The following MTCL1 variants were observed in gnomAD, a reference collection of about 807,000 sequenced individuals.
The protein encoded by MTCL1 is microtubule cross-linking factor 1.
In MTCL1, 79 loss-of-function variants were observed where a neutral mutation model predicts 141.4. The observed-to-expected ratio is 0.56, with a 90% CI of 0.47 to 0.67. MTCL1 has a LOEUF of 0.67. MTCL1 is among the 30% of genes least tolerant of loss of function. MTCL1 has a pLI of 0.00. For synonymous variants in MTCL1, 914 were observed against 875.8 expected (o/e 1.04, Z -0.77); for missense variants, 2,177 against 2,113.9 (o/e 1.03, Z -0.59).
intron 4 of MTCL1, among the ~76,000 whole-genome samples, chr18:8,726,470 G>C (rs73396408): frequency 0.057 from 7,028 of 123,748 alleles, 522 homozygotes; most frequent in African/African-American, 0.17. Flanking sequence ...GTGAGAATAA[G>C]AGGAGAGAGA....
At chr18:8,813,404 C>A (rs2076551257) in intron 12 of MTCL1, among the ~76,000 whole-genome samples, 171 bp downstream of exon 11, 1 of 150,986 alleles carries the variant, frequency 6.6e-6, no homozygotes, top group South Asian at 2.1e-4. Context: ...GACCAAGGCT[C>A]ATGCCTCTCC....
exon 15 of MTCL1, chr18:8,825,670 C>G (rs1204270438): frequency 1.9e-6 from 3 of 1,613,750 alleles, no homozygotes; most frequent in African/African-American, 1.3e-5. Context: ...ACATGCTGCT[C>G]CCCCAAGTAT....
At chr18:8,768,610 G>A (rs1339821149) in intron 4 of MTCL1, among the ~76,000 whole-genome samples, 1 of 151,950 alleles carries the variant, frequency 6.6e-6, no homozygotes. Flanking sequence ...CTGAAAAGAG[G>A]GCAACATTTT....
intron 3 of MTCL1, 144 bp from the exon 3 acceptor site, chr18:8,720,194 C>T: frequency 1.4e-6 from 1 of 727,940 alleles, no homozygotes; most frequent in Middle Eastern, 2.5e-4. Context: ...CTCCTTTTAA[C>T]AATAAGTCAG....
chr18:8,709,685 T>G (rs2096076384), intron 1 of MTCL1, among the ~76,000 whole-genome samples: 1 of 152,328 alleles, frequency 6.6e-6, no homozygotes, highest in African/African-American at 2.4e-5. Context: ...TCATCATTGT[T>G]GTACAAGACT....
At chr18:8,803,416 G>T (rs530839345) in intron 10 of MTCL1, among the ~76,000 whole-genome samples, 1 of 152,148 alleles carries the variant, frequency 6.6e-6, no homozygotes, top group Non-Finnish European at 1.5e-5. Context: ...AAATAATTTA[G>T]TACATCCCCT....
chr18:8,831,511 T>C lies in MTCL1; in HGVS notation c.*19-96T>C. ...CGAGTTGCCTGTGGTGTATACTTCA[T>C]CTCACTTGAGTCTGTTGAGAAGTGT... On this transcript the variant is annotated intron_variant, in intron 16 of 16. Transcript: ENST00000359865. 4 of 1,495,408 alleles carry C rather than the reference T, an allele frequency of 2.7e-6. No homozygotes were observed. The South Asian group carries it at 5.3e-5, about 20-fold the overall frequency. The allele number at this position is 1,495,408 out of a possible 1,614,324, so 92.6% of individuals were successfully genotyped here.
At chr18:8,759,235 A>G (rs1432213160) in intron 4 of MTCL1, among the ~76,000 whole-genome samples, 1 of 152,262 alleles carries the variant, frequency 6.6e-6, no homozygotes, top group South Asian at 2.1e-4. Flanking sequence ...GATCATCTGT[A>G]TGACTTAGGT....
At chr18:8,809,705 G>A in intron 11 of MTCL1, 1 of 1,306,568 alleles carries the variant, frequency 7.7e-7, no homozygotes, top group Non-Finnish European at 1.0e-6. Context: ...ACCTCGCACG[G>A]CTGTCAGGTT....
exon 17 of MTCL1, chr18:8,832,263 T>G (rs1016844178): frequency 1.1e-5 from 2 of 175,462 alleles, no homozygotes; most frequent in African/African-American, 2.4e-5. Flanking sequence ...AGTGTTACTG[T>G]TTTTTACGAA....
At chr18:8,791,589 C>T (rs779753345) in intron 7 of MTCL1, among the ~76,000 whole-genome samples, 44 of 151,920 alleles carry the variant, frequency 2.9e-4, no homozygotes, top group Non-Finnish European at 2.2e-4. Flanking sequence ...AGATAAGTGC[C>T]TACACAGCTA....
chr18:8,732,605 G>A (rs758539977), intron 4 of MTCL1, among the ~76,000 whole-genome samples: 17 of 151,982 alleles, frequency 1.1e-4, no homozygotes, highest in Non-Finnish European at 2.2e-4. Context: ...TTTCTCCCTG[G>A]TAATAAAAAA....
Position 8,830,642 on chromosome 18 carries a change from C to G in MTCL1, c.*19-965C>G, listed in dbSNP as rs1448450620. The G allele has an allele frequency of 1.0e-6, 1 of 985,636 alleles. No individual in the cohort carries two copies. The highest frequency in any genetic ancestry group is 1.7e-5 in the African/African-American group (1 of 57,258). 61.1% of individuals were successfully genotyped at this position (985,636 alleles called of 1,614,324 possible). A position where few individuals can be genotyped will look rare whatever the true frequency, so the allele number is the denominator to read the frequency against. On this transcript the variant is annotated intron_variant, in intron 16 of 16. Transcript: ENST00000359865. This position sits in a 1 kb window ranked among gnomAD's most constrained non-coding sequence, Gnocchi z 6.4. ...TCCTTTCTTTGAGGGTCCTTGTTCTCTGTCATCCTTCCTGTGCCTTCCATT... is the reference window on the plus strand; with the variant it reads ...TCCTTTCTTTGAGGGTCCTTGTTCTGTGTCATCCTTCCTGTGCCTTCCATT...
chr18:8,739,245 TA>T (rs942658323), intron 4 of MTCL1, among the ~76,000 whole-genome samples: 1 of 151,992 alleles, frequency 6.6e-6, no homozygotes, highest in African/African-American at 2.4e-5. Flanking sequence ...ACCCTGTCTC[TA>T]AAAAAATTAA....
At chr18:8,735,636 G>T (rs1158152040) in intron 4 of MTCL1, among the ~76,000 whole-genome samples, 2 of 152,172 alleles carry the variant, frequency 1.3e-5, no homozygotes, top group Non-Finnish European at 2.9e-5. Context: ...AATTCCTCTA[G>T]TTGGGGGGTG....
chr18:8,796,386 A>T, exon 9 of MTCL1: 1 of 1,614,212 alleles, frequency 6.2e-7, no homozygotes, highest in Non-Finnish European at 8.5e-7. Flanking sequence ...TTCCTCTTCT[A>T]CGTCAAACTC....
chr18:8,829,925 C>T, intron 16 of MTCL1: 2 of 985,108 alleles, frequency 2.0e-6, no homozygotes, highest in Non-Finnish European at 2.4e-6. Flanking sequence ...CAGAGGCTGG[C>T]AAAGAGGGGG....
At chr18:8,794,986 C>T (rs187351446) in intron 8 of MTCL1, among the ~76,000 whole-genome samples, 1 of 152,350 alleles carries the variant, frequency 6.6e-6, no homozygotes, top group African/African-American at 2.4e-5. Context: ...TAGGAAATTG[C>T]AGATGCTGGG....
chr18:8,789,280 G>C (rs749642170), intron 7 of MTCL1: 1 of 310,554 alleles, frequency 3.2e-6, no homozygotes, highest in Non-Finnish European at 4.7e-6. Context: ...TCATGTGTTG[G>C]CCTCATGTAC....
Sources: allele counts gnomAD v4.1 joint callset (sites outside exome capture counted in the v4.1 genomes callset), GRCh38; gene constraint gnomAD v4.1.1; non-coding constraint Gnocchi (gnomAD v3.1); transcripts MANE v1.5; gene names NCBI Gene and HGNC (gene_info 2026-07-23, HGNC 2026-07-21).